WNT7A: variants seen among roughly 807,000 people sequenced by gnomAD.
WNT7A encodes protein Wnt-7a.
WNT7A carries 16 observed loss-of-function variants against 28.2 expected under a neutral mutation model. The ratio of observed to expected loss-of-function variants is 0.57; its 90% CI spans 0.38 to 0.86. The LOEUF is 0.86. Ranked by LOEUF, WNT7A falls within the 40% of genes least tolerant of loss-of-function variation. The pLI, the probability that WNT7A is intolerant of heterozygous loss-of-function variation, is 0.00. For synonymous variants in WNT7A, 190 were observed against 195.9 expected, an observed-to-expected ratio of 0.97 and a Z score of 0.25; for missense variants, 411 against 489.7, an observed-to-expected ratio of 0.84 and a Z score of 1.52.
chr3:13,858,289 C>T (rs1456444132), intron 2 of WNT7A, among the ~76,000 whole-genome samples: 1 of 152,220 alleles, frequency 6.6e-6, no homozygotes, highest in African/African-American at 2.4e-5. Context: ...GAAAGCCTGG[C>T]CTGTCCTCAA....
intron 3 of WNT7A, among the ~76,000 whole-genome samples, chr3:13,844,576 G>A (rs1014335574): frequency 2.0e-5 from 3 of 152,182 alleles, no homozygotes; most frequent in East Asian, 1.9e-4. Context: ...CAAGGATGTC[G>A]GGCCAATCAA....
intron 2 of WNT7A, among the ~76,000 whole-genome samples, chr3:13,874,366 G>GTA (rs1695071253): frequency 6.6e-6 from 1 of 152,084 alleles, no homozygotes; most frequent in Non-Finnish European, 1.5e-5. Context: ...AAAACTCTGT[G>GTA]TGTATGTATG....
chr3:13,878,197 G>GCC (rs1695141447), intron 1 of WNT7A, among the ~76,000 whole-genome samples: 1 of 152,058 alleles, frequency 6.6e-6, no homozygotes, highest in Non-Finnish European at 1.5e-5. Context: ...CGGGAGGGCG[G>GCC]CCCGCGGGCG....
intron 2 of WNT7A, among the ~76,000 whole-genome samples, chr3:13,859,533 G>A (rs1170728740): frequency 3.3e-5 from 5 of 152,182 alleles, no homozygotes; most frequent in East Asian, 1.9e-4. Context: ...CCCTGCATCT[G>A]TTTTATCCAT....
chr3:13,864,596 G>T (rs1477176529), intron 2 of WNT7A, among the ~76,000 whole-genome samples: 1 of 152,140 alleles, frequency 6.6e-6, no homozygotes, highest in Non-Finnish European at 1.5e-5. Flanking sequence ...GATAGCAAGT[G>T]CCCCAGACAG....
At chr3:13,857,143 G>A (rs1247858681) in intron 2 of WNT7A, among the ~76,000 whole-genome samples, 1 of 152,198 alleles carries the variant, frequency 6.6e-6, no homozygotes, top group Non-Finnish European at 1.5e-5. Context: ...TTTGCTGCAT[G>A]AAATCAAGAA....
chr3:13,837,445 C>T (rs1045474008), intron 3 of WNT7A, among the ~76,000 whole-genome samples: 3 of 151,974 alleles, frequency 2.0e-5, no homozygotes, highest in East Asian at 3.9e-4. Flanking sequence ...TGAATGTCAG[C>T]TCCAGAAACA....
intron 2 of WNT7A, among the ~76,000 whole-genome samples, chr3:13,864,363 T>A (rs895833399): frequency 6.6e-6 from 1 of 152,102 alleles, no homozygotes; most frequent in African/African-American, 2.4e-5. Flanking sequence ...CGCTACGCCC[T>A]GCAGTCCCTC....
At chr3:13,874,054 G>A (rs938000158) in intron 2 of WNT7A, among the ~76,000 whole-genome samples, 1 of 152,186 alleles carries the variant, frequency 6.6e-6, no homozygotes, top group African/African-American at 2.4e-5. Context: ...GAGCAACAGG[G>A]CAATGAGATG....
At chr3:13,867,606 T>C (rs532887060) in intron 2 of WNT7A, among the ~76,000 whole-genome samples, 60 of 152,160 alleles carry the variant, frequency 3.9e-4, no homozygotes, top group Admixed American at 1.4e-3. Flanking sequence ...AGTGAAAAGA[T>C]ACAAGATAGA....
chr3:13,872,593 G>T (rs1695042638), intron 2 of WNT7A, among the ~76,000 whole-genome samples: 1 of 152,064 alleles, frequency 6.6e-6, no homozygotes, highest in African/African-American at 2.4e-5. Context: ...CTCTTTGCTG[G>T]AATTCCCCCA....
chr3:13,824,073 CT>C (rs1310798548), intron 3 of WNT7A, among the ~76,000 whole-genome samples: 1 of 152,186 alleles, frequency 6.6e-6, no homozygotes, highest in Non-Finnish European at 1.5e-5. Context: ...CAAACTCTTT[CT>C]TTTTTAAAAC....
Position 13,819,364 on chromosome 3 carries a change from G to A in WNT7A, c.630C>T (p.Thr210=). ...GCAGTGTGGTCCAGCACGTCTTGGT[G>A]GTGCACGAGCCTGACACGCCGTGGC... is the stretch of plus-strand genomic sequence containing the variant. ...CKCHGVSGSC[T]TKTCWTTLPQ... The change falls in exon 4 of 4, where the codon ACC becomes ACT. Residue 210 remains threonine (T), a synonymous_variant. Coordinates refer to ENST00000285018, the MANE Select transcript of WNT7A (RefSeq NM_004625.4). 1 of 1,613,492 alleles carries A rather than the reference G, an allele frequency of 6.2e-7. No individual in the cohort carries two copies.
intron 3 of WNT7A, among the ~76,000 whole-genome samples, chr3:13,851,330 C>T (rs1694633684): frequency 6.6e-6 from 1 of 152,224 alleles, no homozygotes. Context: ...GCAGCCTCGT[C>T]ACTCGTCCTC....
chr3:13,832,343 C>A (rs1254036571), intron 3 of WNT7A, among the ~76,000 whole-genome samples: 1 of 151,306 alleles, frequency 6.6e-6, no homozygotes, highest in Non-Finnish European at 1.5e-5. Flanking sequence ...CCTACTCTTC[C>A]TCCTTCTGCT....
intron 2 of WNT7A, among the ~76,000 whole-genome samples, chr3:13,860,998 G>A (rs945850327): frequency 6.6e-6 from 1 of 152,178 alleles, no homozygotes; most frequent in Non-Finnish European, 1.5e-5. Flanking sequence ...AACGTGGGAG[G>A]TGGGGGCTGC....
intron 3 of WNT7A, among the ~76,000 whole-genome samples, chr3:13,844,712 C>T (rs1481123635): frequency 6.6e-6 from 1 of 152,186 alleles, no homozygotes; most frequent in Non-Finnish European, 1.5e-5. Context: ...AAAGAAGTGC[C>T]TTTGTCAGGC....
At chr3:13,856,444 G>A (rs1575069443) in intron 2 of WNT7A, among the ~76,000 whole-genome samples, 1 of 152,346 alleles carries the variant, frequency 6.6e-6, no homozygotes, top group African/African-American at 2.4e-5. Context: ...GCTCAACTTT[G>A]GGGGTCGGGA....
rs544249490 is a variant in WNT7A at position 13,859,048 on chromosome 3, G to A, written c.299-4245C>T. ...AATTACAAAACAAGGGGTGTTGAGC[G>A]GTGCTGAGCACAGTGCCTGGCATGC... On this transcript the variant is annotated intron_variant, in intron 2 of 3. Coordinates refer to ENST00000285018, the MANE Select transcript of WNT7A (RefSeq NM_004625.4). Among the ~76,000 whole-genome samples, 86 of 152,302 alleles carry A rather than the reference G, an allele frequency of 5.6e-4. 1 individual carries two copies. In the Middle Eastern group the frequency reaches 0.02, roughly 36 times the overall value.
Sources: allele counts gnomAD v4.1 joint callset (sites outside exome capture counted in the v4.1 genomes callset), GRCh38; gene constraint gnomAD v4.1.1; transcripts MANE v1.5; gene names NCBI Gene and HGNC (gene_info 2026-07-23, HGNC 2026-07-21).